Variants in ADAMTS19 observed in about 807,000 individuals in gnomAD.
ADAMTS19 encodes the protein ADAM metallopeptidase with thrombospondin type 1 motif 19.
In ADAMTS19, 93 loss-of-function variants were observed where a neutral mutation model predicts 153.3. That is an observed-to-expected ratio of 0.61 (90% CI 0.51 to 0.72). The LOEUF (loss-of-function observed/expected upper bound fraction) is 0.72. Among genes scored for constraint, ADAMTS19 ranks in the 30% least tolerant of loss-of-function variants. ADAMTS19 has a pLI of 0.00. For synonymous variants in ADAMTS19, 600 were observed against 556.6 expected, an observed-to-expected ratio of 1.08 and a Z score of -1.10; for missense variants, 1,482 against 1,552.1, an observed-to-expected ratio of 0.95 and a Z score of 0.76.
intron 6 of ADAMTS19, among the ~76,000 whole-genome samples, chr5:129,531,459 T>C (rs1240823537): frequency 6.6e-6 from 1 of 152,134 alleles, no homozygotes; most frequent in African/African-American, 2.4e-5. Context: ...ATCTCATCTC[T>C]ACTAAGATTA....
At chr5:129,728,485 T>C (rs1389249199) in intron 21 of ADAMTS19, among the ~76,000 whole-genome samples, 1 of 152,092 alleles carries the variant, frequency 6.6e-6, no homozygotes, top group Non-Finnish European at 1.5e-5. Context: ...ATCTTCTTAA[T>C]TACCTTGCTT....
Position 129,731,655 on chromosome 5 carries a change from A to G in ADAMTS19, c.3313-3277A>G, listed in dbSNP as rs551161452. 4.4e-4 allele frequency among the ~76,000 whole-genome samples: 67 copies of G among 152,262 alleles called. 1 individual carries two copies. In the South Asian group the frequency reaches 0.013, roughly 30 times the overall value. ...CAGAATGCTTCTTGTGCTAAGAAAA[A>G]TAAGAAAAGAGATGAGCCCAATGAT... On this transcript the variant is annotated intron_variant, in intron 21 of 22. Coordinates refer to ENST00000274487, the MANE Select transcript of ADAMTS19 (RefSeq NM_133638.6).
At chr5:129,543,087 T>G (rs1752716587) in intron 6 of ADAMTS19, among the ~76,000 whole-genome samples, 1 of 151,716 alleles carries the variant, frequency 6.6e-6, no homozygotes, top group South Asian at 2.1e-4. Flanking sequence ...TTTGCTCTTG[T>G]TGCCCAGGCT....
chr5:129,522,266 A>C (rs1751836013), intron 3 of ADAMTS19, among the ~76,000 whole-genome samples: 1 of 144,596 alleles, frequency 6.9e-6, no homozygotes, highest in Non-Finnish European at 1.5e-5. Context: ...ATATATAAAC[A>C]ACATATGTAT....
chr5:129,564,463 T>C (rs1753635148), intron 7 of ADAMTS19, among the ~76,000 whole-genome samples: 1 of 152,208 alleles, frequency 6.6e-6, no homozygotes, highest in African/African-American at 2.4e-5. Context: ...GATGCAAGTA[T>C]ATACATGATC....
chr5:129,603,513 G>A (rs575383189), intron 8 of ADAMTS19, among the ~76,000 whole-genome samples: 1 of 152,116 alleles, frequency 6.6e-6, no homozygotes, highest in South Asian at 2.1e-4. Context: ...TTCCATTTGC[G>A]TTGTGGATTC....
At chr5:129,477,959 T>C (rs1392299781) in intron 2 of ADAMTS19, among the ~76,000 whole-genome samples, 2 of 152,174 alleles carry the variant, frequency 1.3e-5, no homozygotes, top group Non-Finnish European at 2.9e-5. Context: ...TCAGTATTCT[T>C]AAATTGATTT....
chr5:129,475,104 T>C (rs941968368), intron 2 of ADAMTS19, among the ~76,000 whole-genome samples: 1 of 141,686 alleles, frequency 7.1e-6, no homozygotes, highest in Non-Finnish European at 1.5e-5. Flanking sequence ...ATCTAGTTTA[T>C]CTTTTTTTTT....
intron 21 of ADAMTS19, among the ~76,000 whole-genome samples, chr5:129,707,965 A>C (rs906608585): frequency 5.9e-5 from 9 of 152,186 alleles, no homozygotes; most frequent in Non-Finnish European, 1.3e-4. Flanking sequence ...ATTGACTGCT[A>C]TTGGGCAAAG....
At position 129,598,196 on chromosome 5, in the gene ADAMTS19, C is replaced by G. The variant is rs141683017; in HGVS notation, c.1478+1532C>G. Among the ~76,000 whole-genome samples the G allele has an allele frequency of 7.2e-3, 1,101 of 152,272 alleles. 13 individuals carry two copies. Among genetic ancestry groups the G allele is most frequent in the African/African-American group, 0.025 (1,044 of 41,548 alleles). ...TAAGATTTGCAGACCTGGTAACACT[C>G]AACCCACAGCCCATATGGCAACCAT... On this transcript the variant is annotated intron_variant, in intron 8 of 22. Transcript: ENST00000274487.
intron 16 of ADAMTS19, among the ~76,000 whole-genome samples, chr5:129,675,823 T>C (rs1264525891): frequency 2.6e-5 from 4 of 152,024 alleles, no homozygotes; most frequent in Non-Finnish European, 5.9e-5. Context: ...TCACTTGAGG[T>C]CAGGAGTTCA....
chr5:129,608,748 G>A (rs1329550714), intron 8 of ADAMTS19, among the ~76,000 whole-genome samples: 1 of 151,366 alleles, frequency 6.6e-6, no homozygotes, highest in African/African-American at 2.4e-5. Context: ...ATGCCAGCTT[G>A]AGACCTGAGA....
intron 7 of ADAMTS19, among the ~76,000 whole-genome samples, chr5:129,576,133 C>T (rs1352148490): frequency 6.6e-6 from 1 of 151,448 alleles, no homozygotes; most frequent in Non-Finnish European, 1.5e-5. Flanking sequence ...AGAAACAAAC[C>T]CTATTTTGGA....
At chr5:129,572,733 A>G (rs1753957716) in intron 7 of ADAMTS19, among the ~76,000 whole-genome samples, 1 of 152,000 alleles carries the variant, frequency 6.6e-6, no homozygotes, top group Non-Finnish European at 1.5e-5. Flanking sequence ...TAATGACCAG[A>G]TGAGTGATTA....
chr5:129,680,569 C>T (rs1754756446), intron 17 of ADAMTS19, among the ~76,000 whole-genome samples: 1 of 151,838 alleles, frequency 6.6e-6, no homozygotes, highest in Non-Finnish European at 1.5e-5. Flanking sequence ...CCAGCCTGAC[C>T]AACACGCTGA....
At chr5:129,699,422 C>CAAAAAAAAAAAAAAAAAA (rs536240544) in intron 19 of ADAMTS19, among the ~76,000 whole-genome samples, 1 of 80,588 alleles carries the variant, frequency 1.2e-5, no homozygotes, top group Non-Finnish European at 2.8e-5. Context: ...GACTTCATCT[C>CAAAAAAAAAAAAAAAAAA]AAAAAAAAAA....
chr5:129,663,387 G>C (rs1157775675), intron 15 of ADAMTS19, among the ~76,000 whole-genome samples: 1 of 152,166 alleles, frequency 6.6e-6, no homozygotes, highest in Non-Finnish European at 1.5e-5. Flanking sequence ...AGATGTTACA[G>C]AGTTCTTACT....
intron 18 of ADAMTS19, among the ~76,000 whole-genome samples, chr5:129,693,769 T>A (rs531827544): frequency 6.6e-6 from 1 of 152,268 alleles, no homozygotes; most frequent in Admixed American, 6.5e-5. Context: ...TTACATCCTA[T>A]AATCAAATTT....
intron 3 of ADAMTS19, among the ~76,000 whole-genome samples, chr5:129,523,459 A>G (rs1002518785): frequency 6.6e-6 from 1 of 152,204 alleles, no homozygotes; most frequent in African/African-American, 2.4e-5. Context: ...ACAGAATATG[A>G]TAAATGACAA....
Sources: allele counts gnomAD v4.1 joint callset (sites outside exome capture counted in the v4.1 genomes callset), GRCh38; gene constraint gnomAD v4.1.1; transcripts MANE v1.5; gene names NCBI Gene and HGNC (gene_info 2026-07-23, HGNC 2026-07-21).